Variants in RAB28 observed in about 807,000 individuals in gnomAD.
RAB28 encodes the protein RAB28, member RAS oncogene family, also known as ras-related protein Rab-28.
A neutral mutation model predicts 31.7 loss-of-function variants in RAB28; 24 were observed. The observed-to-expected ratio is 0.76, with a 90% CI of 0.55 to 1.06. The LOEUF is 1.06. Among genes scored for constraint, RAB28 ranks in the 50% least tolerant of loss-of-function variants. The pLI, the probability that RAB28 is intolerant of heterozygous loss-of-function variation, is 0.00. For missense variants in RAB28, 254 were observed against 258.5 expected (o/e 0.98, Z 0.12); for synonymous variants, 100 against 90.4 (o/e 1.11, Z -0.60).
chr4:13,459,982 C>G, intron 4 of RAB28: 1 of 1,117,524 alleles, frequency 8.9e-7, no homozygotes, highest in East Asian at 5.8e-5. Flanking sequence ...CAGGAATTGA[C>G]CAAAGCAGCG....
intron 4 of RAB28, among the ~76,000 whole-genome samples, chr4:13,432,264 A>C (rs969910026): frequency 1.5e-4 from 23 of 152,128 alleles, no homozygotes; most frequent in African/African-American, 5.5e-4. Flanking sequence ...TTTAAGAAAC[A>C]AAGCCTTCAA....
intron 4 of RAB28, among the ~76,000 whole-genome samples, chr4:13,416,381 C>A (rs962986988): frequency 1.3e-5 from 2 of 152,182 alleles, no homozygotes; most frequent in Non-Finnish European, 2.9e-5. Context: ...TCAGAAGGAA[C>A]AAACTCCAGA....
intron 4 of RAB28, among the ~76,000 whole-genome samples, chr4:13,450,159 G>C (rs934408672): frequency 6.6e-6 from 1 of 151,688 alleles, no homozygotes; most frequent in African/African-American, 2.4e-5. Flanking sequence ...ATTCAGTACA[G>C]ATTATGATTT....
intron 4 of RAB28, among the ~76,000 whole-genome samples, chr4:13,427,458 TAGACCTACTAAAGAGGAG>T (rs1392157091): frequency 6.6e-6 from 1 of 152,088 alleles, no homozygotes; most frequent in Non-Finnish European, 1.5e-5. Flanking sequence ...AGGTACTTTC[TAGACCTACTAAAGAGGAG>T]AAAACAAGGA....
At chr4:13,408,734 A>G (rs1712249609) in intron 4 of RAB28, among the ~76,000 whole-genome samples, 1 of 152,146 alleles carries the variant, frequency 6.6e-6, no homozygotes. Flanking sequence ...TTTCTTCATA[A>G]GTTCCTGAAT....
At chr4:13,395,012 C>G (rs1251619211) in intron 4 of RAB28, among the ~76,000 whole-genome samples, 1 of 152,122 alleles carries the variant, frequency 6.6e-6, no homozygotes, top group Non-Finnish European at 1.5e-5. Context: ...AGTCTCAAAT[C>G]TAGTCATTAG....
chr4:13,411,245 C>T (rs1006376748), intron 4 of RAB28, among the ~76,000 whole-genome samples: 1 of 151,894 alleles, frequency 6.6e-6, no homozygotes, highest in Non-Finnish European at 1.5e-5. Flanking sequence ...GTTCAAATGT[C>T]GGCAAAATAA....
intron 4 of RAB28, among the ~76,000 whole-genome samples, chr4:13,413,672 T>C (rs1712577052): frequency 6.6e-6 from 1 of 152,116 alleles, no homozygotes; most frequent in African/African-American, 2.4e-5. Flanking sequence ...CAAAAGATAG[T>C]AATAAATAAG....
Position 13,474,355 on chromosome 4 carries a change from C to T in RAB28, c.224G>A (p.Gly75Glu), listed in dbSNP as rs1716253531. ...QIWDIGGQTI[G>E]GKMLDKYIYG... ...GATATATTTATCCAACATTTTGCCTCCTATTGTCTGCCCTCCTATATCCCA... is the reference window on the plus strand; with the variant it reads ...GATATATTTATCCAACATTTTGCCTTCTATTGTCTGCCCTCCTATATCCCA... Residue 75 changes from glycine (G) to glutamate (E), a missense_variant, in exon 3 of 7, where the codon GGA becomes GAA. By Grantham distance (98) the Gly-to-Glu change is moderately conservative (BLOSUM62 -2). Transcript: ENST00000330852. 1.3e-6 allele frequency: 2 copies of T among 1,597,758 alleles called. No homozygotes were observed. Among genetic ancestry groups the T allele is most frequent in the African/African-American group, 2.7e-5 (2 of 74,376 alleles).
intron 4 of RAB28, among the ~76,000 whole-genome samples, chr4:13,402,537 T>C (rs1205897104): frequency 1.3e-5 from 2 of 152,228 alleles, no homozygotes; most frequent in East Asian, 3.8e-4. Flanking sequence ...CATGTTAATA[T>C]AGTTACTTCA....
intron 4 of RAB28, among the ~76,000 whole-genome samples, chr4:13,382,689 T>C (rs1037239042): frequency 7.3e-6 from 1 of 137,092 alleles, no homozygotes; most frequent in African/African-American, 2.6e-5. Context: ...TTGGAAAATA[T>C]GGAATTTTTT....
At chr4:13,474,443 CA>C in intron 2 of RAB28, 37 bp from the exon 3 acceptor site, 11 of 1,253,276 alleles carry the variant, frequency 8.8e-6, no homozygotes, top group South Asian at 2.6e-5. Context: ...ATAAGAATAC[CA>C]AAAAAATTAA....
At chr4:13,383,660 TG>T (rs1312468582) in intron 4 of RAB28, among the ~76,000 whole-genome samples, 4 of 152,124 alleles carry the variant, frequency 2.6e-5, no homozygotes, top group Admixed American at 6.5e-5. Context: ...GGGAGGGACC[TG>T]GTGGAAGGTA....
At position 13,381,542 on chromosome 4, in the gene RAB28, G is replaced by T; in HGVS notation, c.444C>A (p.Cys148Ter). 6.2e-7 allele frequency: 1 copy of T among 1,613,154 alleles called. No homozygotes were observed. The highest frequency in any genetic ancestry group is 8.5e-7 in the Non-Finnish European group (1 of 1,179,432). Reference sequence around the variant, plus strand: ...AGTGGCTACTAAAACCATTTTCCTGGCAAAACCGTAAGTGTTTTTCAGGTT... The same window carrying T: ...AGTGGCTACTAAAACCATTTTCCTGTCAAAACCGTAAGTGTTTTTCAGGTT... ...TIKPEKHLRF[C>*]QENGFSSHFV... Residue 148 changes from cysteine to a stop codon, truncating the protein, a stop_gained, in exon 5 of 7, where the codon TGC becomes TGA. Transcript: ENST00000330852. LOFTEE classifies it high-confidence loss of function.
Position 13,460,745 on chromosome 4 carries a change from G to A in RAB28, c.345C>T (p.Ser115=), listed in dbSNP as rs779235223. ...CCAGTGGCTGAGTTTCTGACTCCTC[G>A]CTCACTTTCTTCACCACAGTATACC... ...EDWYTVVKKV[S]EESETQPLVA... The change falls in exon 4 of 7, where the codon AGC becomes AGT. Residue 115 remains serine, a synonymous_variant. Coordinates refer to ENST00000330852, the MANE Select transcript of RAB28 (RefSeq NM_001017979.3). 2.6e-5 allele frequency: 42 copies of A among 1,613,730 alleles called. 1 individual carries two copies. In the Middle Eastern group the frequency reaches 4.9e-4, roughly 19 times the overall value.
intron 3 of RAB28, among the ~76,000 whole-genome samples, chr4:13,472,123 T>C (rs1158145235): frequency 2.6e-5 from 4 of 152,014 alleles, no homozygotes; most frequent in South Asian, 2.1e-4. Context: ...GTGTACTAAA[T>C]GACACCGATT....
chr4:13,481,706 A>G (rs1283594540), intron 1 of RAB28, among the ~76,000 whole-genome samples: 1 of 152,136 alleles, frequency 6.6e-6, no homozygotes, highest in African/African-American at 2.4e-5. Flanking sequence ...AGAAATAGAA[A>G]CACGTGATAC....
chr4:13,459,871 T>C (rs774422468), intron 4 of RAB28: 45 of 1,289,072 alleles, frequency 3.5e-5, no homozygotes, highest in Admixed American at 1.6e-4. Flanking sequence ...CAATGCAATA[T>C]CATAAAATCT....
At chr4:13,382,841 G>T (rs552517936) in intron 4 of RAB28, among the ~76,000 whole-genome samples, 21 of 151,764 alleles carry the variant, frequency 1.4e-4, no homozygotes, top group Non-Finnish European at 2.6e-4. Flanking sequence ...TGGGATTACA[G>T]GCGCCTGCCA....
Sources: gnomAD v4.1 joint callset for allele counts (sites outside exome capture counted in the v4.1 genomes callset) on GRCh38, gnomAD v4.1.1 for gene constraint, MANE v1.5 for transcripts, NCBI Gene and HGNC (gene_info 2026-07-23, HGNC 2026-07-21) for gene names.